MYO1E: variants seen among roughly 807,000 people sequenced by gnomAD.
MYO1E encodes unconventional myosin-Ie.
In MYO1E, 68 loss-of-function variants were observed where a neutral mutation model predicts 151.1. The ratio of observed to expected loss-of-function variants is 0.45; its 90% CI spans 0.37 to 0.55. The LOEUF (loss-of-function observed/expected upper bound fraction) is 0.55, where lower values mean the gene tolerates loss of function less well. Among genes scored for constraint, MYO1E ranks in the 20% least tolerant of loss-of-function variants. The probability of loss-of-function intolerance (pLI) is 0.00; values close to 1 mark genes in which losing one functional copy is unlikely to be tolerated. For missense variants in MYO1E, 1,363 were observed against 1,389.3 expected (o/e 0.98, Z 0.30); for synonymous variants, 601 against 501.7 (o/e 1.20, Z -2.64).
At chr15:59,222,049 C>T (rs1341942576) in intron 9 of MYO1E, among the ~76,000 whole-genome samples, 3 of 152,132 alleles carry the variant, frequency 2.0e-5, no homozygotes, top group African/African-American at 7.2e-5. Flanking sequence ...TATGGACACC[C>T]TGTATATTTA....
chr15:59,230,201 A>C (rs1190511303), intron 6 of MYO1E, among the ~76,000 whole-genome samples: 1 of 132,062 alleles, frequency 7.6e-6, no homozygotes, highest in Non-Finnish European at 1.6e-5. Flanking sequence ...GTGAATAGTG[A>C]GAGAGAGAGA....
At chr15:59,279,510 A>C (rs2080340730) in intron 1 of MYO1E, among the ~76,000 whole-genome samples, 1 of 152,200 alleles carries the variant, frequency 6.6e-6, no homozygotes, top group African/African-American at 2.4e-5. Context: ...CCTCCCAGCC[A>C]AGACCCTGTG....
At chr15:59,367,001 A>C (rs1049498917) in intron 1 of MYO1E, among the ~76,000 whole-genome samples, 2,239 of 22,734 alleles carry the variant, frequency 0.098, 50 homozygotes, top group Non-Finnish European at 0.26. Flanking sequence ...TTTTCGCAAA[A>C]AAAAAAAAAA....
At chr15:59,222,228 G>A (rs1307035637) in intron 9 of MYO1E, among the ~76,000 whole-genome samples, 2 of 152,200 alleles carry the variant, frequency 1.3e-5, no homozygotes, top group African/African-American at 2.4e-5. Flanking sequence ...CAATGAGTGG[G>A]ATGCTATTTA....
At chr15:59,305,132 C>G (rs746468595) in intron 1 of MYO1E, among the ~76,000 whole-genome samples, 12 of 152,224 alleles carry the variant, frequency 7.9e-5, no homozygotes, top group Non-Finnish European at 1.3e-4. Context: ...TCTCAAACAA[C>G]TGCCTCTAAG....
At position 59,136,518 on chromosome 15, in the gene MYO1E, G is replaced by C; in HGVS notation, c.*862C>G. The C allele has an allele frequency of 6.2e-6, 2 of 321,582 alleles. No individual in the cohort carries two copies. Among genetic ancestry groups the C allele is most frequent in the South Asian group, 5.2e-5 (2 of 38,762 alleles). 19.9% of individuals were successfully genotyped at this position (321,582 alleles called of 1,614,324 possible). On this transcript the variant is annotated 3_prime_UTR_variant, in exon 28 of 28. Coordinates refer to ENST00000288235, the MANE Select transcript of MYO1E (RefSeq NM_004998.4). ...AGCAGAGCACATCTTTAAGTACCTG[G>C]TGTGAGTTTTGTAAGAAAACCTACC...
chr15:59,158,828 G>A (rs1327306226), intron 24 of MYO1E, among the ~76,000 whole-genome samples: 1 of 152,214 alleles, frequency 6.6e-6, no homozygotes, highest in African/African-American at 2.4e-5. Context: ...TTGCACGCAA[G>A]AGTGTGTGTT....
rs139324754 is a variant in MYO1E at position 59,195,526 on chromosome 15, C to T, written c.1740G>A (p.Thr580=). Residue 580 remains threonine (T), a synonymous_variant, in exon 17 of 28, where the codon ACG becomes ACA. Transcript: ENST00000288235. ...NDLVSTLMKC[T]PHYIRCIKPN... Reference sequence around the variant, plus strand: ...GCTTGATGCAGCGAATGTAGTGGGGCGTACATTTCATCAGGGTGCTCACAA... The same window carrying T: ...GCTTGATGCAGCGAATGTAGTGGGGTGTACATTTCATCAGGGTGCTCACAA... 1.4e-4 allele frequency: 221 copies of T among 1,613,912 alleles called. 1 individual carries two copies. Among genetic ancestry groups the T allele is most frequent in the Non-Finnish European group, 1.8e-4 (212 of 1,179,972 alleles).
chr15:59,230,434 T>G (rs1480252294), intron 6 of MYO1E, among the ~76,000 whole-genome samples: 1 of 152,188 alleles, frequency 6.6e-6, no homozygotes, highest in Admixed American at 6.5e-5. Context: ...TTTAATTGTT[T>G]TTTTTTTCTG....
At chr15:59,144,989 A>G (rs1298811714) in intron 26 of MYO1E, among the ~76,000 whole-genome samples, 3 of 152,100 alleles carry the variant, frequency 2.0e-5, no homozygotes, top group African/African-American at 4.8e-5. Context: ...GACTACAGGC[A>G]TGCACCACCA....
chr15:59,299,817 C>G (rs572090018), intron 1 of MYO1E, among the ~76,000 whole-genome samples: 5 of 152,084 alleles, frequency 3.3e-5, no homozygotes, highest in Non-Finnish European at 7.4e-5. Flanking sequence ...CAAATTCTGA[C>G]GATAATTAGC....
chr15:59,297,042 C>T (rs77009953), intron 1 of MYO1E, among the ~76,000 whole-genome samples: 30,687 of 60,334 alleles, frequency 0.51, 10,925 homozygotes, highest in South Asian at 0.79. Context: ...TTTGTAGAGA[C>T]AGAGTTTCAC....
intron 1 of MYO1E, among the ~76,000 whole-genome samples, chr15:59,351,328 G>A (rs755226638): frequency 6.6e-6 from 1 of 152,176 alleles, no homozygotes; most frequent in African/African-American, 2.4e-5. Context: ...AAGTTCATTC[G>A]TTCATTCAAT....
intron 1 of MYO1E, among the ~76,000 whole-genome samples, chr15:59,331,888 C>G (rs2080700236): frequency 1.3e-5 from 2 of 152,124 alleles, no homozygotes; most frequent in Non-Finnish European, 2.9e-5. Flanking sequence ...GCATGCAGCT[C>G]TCTTTTATTA....
At chr15:59,168,901 C>T (rs564750904) in intron 22 of MYO1E, among the ~76,000 whole-genome samples, 9 of 152,272 alleles carry the variant, frequency 5.9e-5, no homozygotes, top group East Asian at 3.9e-4. Flanking sequence ...GGATTACAGG[C>T]GTGGGTCACT....
At chr15:59,370,859 T>C (rs564166104) in intron 1 of MYO1E, among the ~76,000 whole-genome samples, 5 of 152,302 alleles carry the variant, frequency 3.3e-5, no homozygotes, top group South Asian at 4.1e-4. Flanking sequence ...TTAAGAAATA[T>C]TGACCCACGG....
chr15:59,259,436 A>T (rs144529541), intron 3 of MYO1E, among the ~76,000 whole-genome samples: 8 of 152,286 alleles, frequency 5.3e-5, no homozygotes, highest in African/African-American at 1.9e-4. Flanking sequence ...GGACTCTCAT[A>T]ATTTTGTTTA....
At chr15:59,327,438 A>C (rs1359486121) in intron 1 of MYO1E, among the ~76,000 whole-genome samples, 6 of 151,812 alleles carry the variant, frequency 4.0e-5, no homozygotes, top group African/African-American at 1.5e-4. Flanking sequence ...CCTCCTGAGT[A>C]GCTGGGACCA....
At chr15:59,138,075 C>A (rs1383941891) in intron 27 of MYO1E, 123 bp downstream of exon 27, 14 of 1,212,726 alleles carry the variant, frequency 1.2e-5, no homozygotes, top group African/African-American at 3.0e-5. Flanking sequence ...TGAGGCCTGA[C>A]CTGCCTCTAC....
Sources: gnomAD v4.1 joint callset for allele counts (sites outside exome capture counted in the v4.1 genomes callset) on GRCh38, gnomAD v4.1.1 for gene constraint, MANE v1.5 for transcripts, NCBI Gene and HGNC (gene_info 2026-07-23, HGNC 2026-07-21) for gene names.